KIF21B: variants seen among roughly 807,000 people sequenced by gnomAD.
KIF21B encodes kinesin-like protein KIF21B.
In KIF21B, 85 loss-of-function variants were observed where a neutral mutation model predicts 192.9. That is an observed-to-expected ratio of 0.44 (90% CI 0.37 to 0.53). The LOEUF (loss-of-function observed/expected upper bound fraction) is 0.53. Among genes scored for constraint, KIF21B ranks in the 20% least tolerant of loss-of-function variants. KIF21B has a pLI of 0.00. For missense variants in KIF21B, 1,716 were observed against 2,194.8 expected, an observed-to-expected ratio of 0.78 and a Z score of 4.36; for synonymous variants, 832 against 884.6, an observed-to-expected ratio of 0.94 and a Z score of 1.05.
intron 8 of KIF21B, 49 bp from the exon 9 acceptor site, chr1:201,002,399 G>T (rs997270951): frequency 6.6e-7 from 1 of 1,526,440 alleles, no homozygotes; most frequent in Admixed American, 1.7e-5. Context: ...GCTCGCGGTT[G>T]GGGGGGTAAG....
intron 3 of KIF21B, 63 bp downstream of exon 3, chr1:201,008,706 C>A (rs904871509): frequency 2.1e-6 from 3 of 1,455,528 alleles, no homozygotes; most frequent in Admixed American, 2.1e-5. Flanking sequence ...GAGGAAGGCC[C>A]GGCTTCCATG....
intron 26 of KIF21B, among the ~76,000 whole-genome samples, chr1:200,986,362 T>C (rs1362033563): frequency 2.2e-5 from 3 of 135,768 alleles, no homozygotes; most frequent in African/African-American, 6.2e-5. Context: ...CTTTTTTTTT[T>C]CTTTTTTTTT....
chr1:200,991,820 G>A, intron 16 of KIF21B, 95 bp from the exon 17 acceptor site: 3 of 1,282,984 alleles, frequency 2.3e-6, no homozygotes, highest in Non-Finnish European at 3.3e-6. Flanking sequence ...TGAAAGCCTG[G>A]GCTTCAGGGT....
At chr1:201,022,052 G>C (rs1373471071) in intron 1 of KIF21B, among the ~76,000 whole-genome samples, 1 of 152,160 alleles carries the variant, frequency 6.6e-6, no homozygotes, top group Non-Finnish European at 1.5e-5. Context: ...ATTCTTGAGT[G>C]CTGCCTAGGG....
At position 200,996,295 on chromosome 1, in the gene KIF21B, G is replaced by C. The variant is rs147583380; in HGVS notation, c.2178C>G (p.Ala726=). ...EMNRDLQKLQ[A]AQKEHARLLK... Reference sequence around the variant, plus strand: ...GCAGCCGGGCGTGCTCTTTCTGGGCGGCCTGCAGCTTCTGCAGGTCCCGGT... The same window carrying C: ...GCAGCCGGGCGTGCTCTTTCTGGGCCGCCTGCAGCTTCTGCAGGTCCCGGT... Residue 726 remains alanine, a synonymous_variant, in exon 15 of 35, where the codon GCC becomes GCG. Transcript: ENST00000461742. The C allele has an allele frequency of 6.2e-7, 1 of 1,613,932 alleles. No individual in the cohort carries two copies. The highest frequency in any genetic ancestry group is 1.3e-5 in the African/African-American group (1 of 74,888).
At position 200,990,889 on chromosome 1, in the gene KIF21B, A is replaced by G; in HGVS notation, c.2687+28T>C. 6.2e-7 allele frequency: 1 copy of G among 1,611,738 alleles called. No individual in the cohort carries two copies. The highest frequency in any genetic ancestry group is 8.5e-7 in the Non-Finnish European group (1 of 1,178,042). On this transcript the variant is annotated intron_variant, in intron 18 of 34. Transcript: ENST00000461742. This position sits in a 1 kb window ranked among gnomAD's most constrained non-coding sequence, Gnocchi z 5.4. Reference sequence around the variant, plus strand: ...ATATTCCCACCCCCTCTGCCTGCACAGGCCAGGGGACTGCCAGTCCACCTT... The same window carrying G: ...ATATTCCCACCCCCTCTGCCTGCACGGGCCAGGGGACTGCCAGTCCACCTT...
intron 32 of KIF21B, among the ~76,000 whole-genome samples, chr1:200,976,323 C>A (rs1196568662): frequency 6.6e-6 from 1 of 152,150 alleles, no homozygotes; most frequent in Non-Finnish European, 1.5e-5. Flanking sequence ...AACTCCTGAC[C>A]TCAAGTGATC....
At chr1:201,002,047 T>G in intron 9 of KIF21B, 114 bp downstream of exon 9, 1 of 874,390 alleles carries the variant, frequency 1.1e-6, no homozygotes, top group Non-Finnish European at 1.8e-6. Context: ...CATAAATGAG[T>G]TGAACTATGA....
At chr1:201,007,252 A>G (rs1657916321) in intron 3 of KIF21B, among the ~76,000 whole-genome samples, 1 of 42,926 alleles carries the variant, frequency 2.3e-5, no homozygotes, top group African/African-American at 2.5e-4. Context: ...ACAGAGACAG[A>G]CACACACAGA....
In KIF21B at chr1:200,979,727, G is replaced by A. The variant is rs776589896; in HGVS notation, c.3980-12C>T. The A allele has an allele frequency of 1.3e-6, 2 of 1,497,100 alleles. No homozygotes were observed. Among genetic ancestry groups the A allele is most frequent in the South Asian group, 2.7e-5 (2 of 74,958 alleles). 92.7% of individuals were successfully genotyped at this position (1,497,100 alleles called of 1,614,324 possible). Reference sequence around the variant, plus strand: ...CTTGCAGCTTCGGTCTGTGAGAGATGGGAGGAAGCCACAGGGAGGGGAGGG... The same window carrying A: ...CTTGCAGCTTCGGTCTGTGAGAGATAGGAGGAAGCCACAGGGAGGGGAGGG... On this transcript the variant is annotated splice_polypyrimidine_tract_variant and intron_variant, in intron 29 of 34. Coordinates refer to ENST00000461742, the MANE Select transcript of KIF21B (RefSeq NM_001252102.2).
chr1:201,009,440 A>G lies in KIF21B; in HGVS notation c.90T>C (p.Cys30=), dbSNP rs201528216. The change falls in exon 2 of 35, where the codon TGT becomes TGC. Residue 30 remains cysteine (C), a synonymous_variant. Transcript: ENST00000461742. ...SKEKIEGCHI[C]TSVTPGEPQV... ...GGGGCTCTCCCGGGGTAACAGAGGT[A>G]CAGATGTGACAGCCCTCAATCTTCT... 329 of 1,614,232 alleles carry G rather than the reference A, an allele frequency of 2.0e-4. 2 individuals are homozygous for G. Among genetic ancestry groups the G allele is most frequent in the South Asian group, 1.4e-3 (126 of 91,090 alleles).
Position 201,023,181 on chromosome 1 carries a change from A to G in KIF21B, c.41+162T>C, listed in dbSNP as rs1658953521. 6.6e-6 allele frequency among the ~76,000 whole-genome samples: 1 copy of G among 152,228 alleles called. No individual in the cohort carries two copies. On this transcript the variant is annotated intron_variant, in intron 1 of 34. Transcript: ENST00000461742. This position sits in a 1 kb window ranked among gnomAD's most constrained non-coding sequence, Gnocchi z 5.9. The stretch of plus-strand genomic sequence containing the variant: ...GGCGGGGTCGCCGCTCCCCTGCGGC[A>G]GACTGGCCAGCGCGCGGCGCCCTCC...
At chr1:200,992,191 C>T (rs1656743321) in intron 16 of KIF21B, 91 bp downstream of exon 16, 2 of 1,089,714 alleles carry the variant, frequency 1.8e-6, no homozygotes, top group East Asian at 2.4e-5. Flanking sequence ...GAGACTGAGG[C>T]CCGCTTGGTC....
chr1:201,006,921 G>GACAC (rs1419702518), intron 3 of KIF21B, among the ~76,000 whole-genome samples: 2 of 104,770 alleles, frequency 1.9e-5, no homozygotes, highest in Admixed American at 2.0e-4. Context: ...GACACACACA[G>GACAC]ACACACACAC....
chr1:200,997,370 C>G (rs533345121), intron 14 of KIF21B, among the ~76,000 whole-genome samples: 4 of 152,194 alleles, frequency 2.6e-5, no homozygotes, highest in Admixed American at 2.6e-4. Context: ...CTGGGACGCT[C>G]TTCCCCTGGT....
At chr1:200,991,838 A>C in intron 16 of KIF21B, 113 bp from the exon 17 acceptor site, 13 of 1,078,880 alleles carry the variant, frequency 1.2e-5, no homozygotes, top group African/African-American at 1.6e-5. Context: ...GGTGATTCTC[A>C]TGCAGCCAAA....
chr1:201,005,223 T>C, intron 5 of KIF21B, 85 bp downstream of exon 5: 1 of 1,478,838 alleles, frequency 6.8e-7, no homozygotes. Context: ...TGGTTTGCTA[T>C]TTCTGAATCT....
intron 9 of KIF21B, chr1:201,001,879 G>A (rs1657518918): frequency 6.4e-6 from 3 of 468,604 alleles, no homozygotes; most frequent in South Asian, 5.4e-5. Context: ...GGTTCCTTCT[G>A]AGAAGTAGAG....
chr1:201,005,011 G>A, intron 5 of KIF21B, 78 bp from the exon 6 acceptor site: 7 of 1,488,968 alleles, frequency 4.7e-6, no homozygotes, highest in Non-Finnish European at 5.5e-6. Context: ...CTGCCATCCG[G>A]GAGAGGCACG....
Sources: allele counts gnomAD v4.1 joint callset (sites outside exome capture counted in the v4.1 genomes callset), GRCh38; gene constraint gnomAD v4.1.1; non-coding constraint Gnocchi (gnomAD v3.1); transcripts MANE v1.5; gene names NCBI Gene and HGNC (gene_info 2026-07-23, HGNC 2026-07-21).